IL17RA: variants seen among roughly 807,000 people sequenced by gnomAD.
The protein encoded by IL17RA is interleukin-17 receptor A.
IL17RA carries 34 observed loss-of-function variants against 50.4 expected under a neutral mutation model. The observed-to-expected ratio is 0.67, with a 90% CI of 0.51 to 0.90. The LOEUF (loss-of-function observed/expected upper bound fraction) is 0.90. Among genes scored for constraint, IL17RA ranks in the 40% least tolerant of loss-of-function variants. The pLI, the probability that IL17RA is intolerant of heterozygous loss-of-function variation, is 0.00. For synonymous variants in IL17RA, 585 were observed against 510.4 expected (o/e 1.15, Z -1.97); for missense variants, 1,276 against 1,169.8 (o/e 1.09, Z -1.32).
intron 1 of IL17RA, among the ~76,000 whole-genome samples, chr22:17,091,417 C>G (rs1314120634): frequency 6.6e-6 from 1 of 152,200 alleles, no homozygotes; most frequent in Non-Finnish European, 1.5e-5. Flanking sequence ...TAGCTTACGC[C>G]TATAATCCCA....
chr22:17,109,912 A>G lies in IL17RA; in HGVS notation c.*92A>G. 8.5e-7 allele frequency: 1 copy of G among 1,181,552 alleles called. No homozygotes were observed. Among genetic ancestry groups the G allele is most frequent in the Non-Finnish European group, 1.2e-6 (1 of 838,080 alleles). 73.2% of individuals were successfully genotyped at this position (1,181,552 alleles called of 1,614,324 possible). The stretch of plus-strand genomic sequence containing the variant: ...TGTGTGTACATGTCTGCATGTGTAT[A>G]TGTTCGTGTGTGAAATGTAGGCTTT... On this transcript the variant is annotated 3_prime_UTR_variant, in exon 13 of 13. Coordinates refer to ENST00000319363, the MANE Select transcript of IL17RA (RefSeq NM_014339.7).
chr22:17,108,292 G>A lies in IL17RA; in HGVS notation c.1088-15G>A, dbSNP rs908185507. 5 of 1,613,612 alleles carry A rather than the reference G, an allele frequency of 3.1e-6. No individual in the cohort carries two copies. Among genetic ancestry groups the A allele is most frequent in the Non-Finnish European group, 4.2e-6 (5 of 1,179,890 alleles). On this transcript the variant is annotated splice_polypyrimidine_tract_variant and intron_variant, in intron 12 of 12. Coordinates refer to ENST00000319363, the MANE Select transcript of IL17RA (RefSeq NM_014339.7). ...CCTGGGGTGAGGGTCAGCATGTGTG[G>A]TCTTGTTTCCTTAGATGGCCTGCCT...
At position 17,104,766 on chromosome 22, in the gene IL17RA, G is replaced by A. The variant is rs777335889; in HGVS notation, c.887G>A (p.Arg296Lys). The A allele has an allele frequency of 1.2e-6, 2 of 1,614,120 alleles. No individual in the cohort carries two copies. Among genetic ancestry groups the A allele is most frequent in the East Asian group, 4.5e-5 (2 of 44,884 alleles). The change falls in exon 9 of 13, where the codon AGA becomes AAA. Residue 296 changes from arginine to lysine, a missense_variant. Physicochemically the swap from Arg to Lys is conservative, Grantham distance 26. Transcript: ENST00000319363. ...FFSSCLNDCL[R>K]HSATVSCPEM... ...AGCAGCTGCCTCAATGACTGCCTCA[G>A]ACACTCCGCGACTGTTTCCTGCCCA...
chr22:17,090,755 A>G (rs1234617589), intron 1 of IL17RA, among the ~76,000 whole-genome samples: 1 of 152,236 alleles, frequency 6.6e-6, no homozygotes, highest in African/African-American at 2.4e-5. Flanking sequence ...GTCAGCATTT[A>G]TATAACAATT....
chr22:17,100,508 C>T (rs2061387076), intron 5 of IL17RA, 27 bp downstream of exon 5: 1 of 1,612,704 alleles, frequency 6.2e-7, no homozygotes, highest in African/African-American at 1.3e-5. Flanking sequence ...AAGACATTCC[C>T]TCCCCAATGG....
In IL17RA at chr22:17,103,581, G is replaced by A. The variant is rs1486517273; in HGVS notation, c.846+4G>A. The A allele has an allele frequency of 1.4e-5, 22 of 1,609,096 alleles. No individual in the cohort carries two copies. Among genetic ancestry groups the A allele is most frequent in the Non-Finnish European group, 1.8e-5 (21 of 1,177,732 alleles). On this transcript the variant is annotated splice_donor_region_variant and intron_variant, in intron 8 of 12. Coordinates refer to ENST00000319363, the MANE Select transcript of IL17RA (RefSeq NM_014339.7). The stretch of plus-strand genomic sequence containing the variant: ...GTGCTGTCGCCACCAAGTGCAGGTG[G>A]GTGAGTGTGGTGTGGACAGGTGCAG...
intron 1 of IL17RA, among the ~76,000 whole-genome samples, chr22:17,095,547 CTGTT>C (rs1486356239): frequency 1.3e-5 from 2 of 152,154 alleles, no homozygotes; most frequent in African/African-American, 2.4e-5. Context: ...AATGATGTAT[CTGTT>C]TGCCTTCTCT....
At position 17,115,081 on chromosome 22, in the gene IL17RA, C is replaced by G. The variant is rs372014368; in HGVS notation, c.*5261C>G. The G allele has an allele frequency of 3.9e-5, 6 of 152,250 alleles. No homozygotes were observed. The highest frequency in any genetic ancestry group is 1.4e-4 in the African/African-American group (6 of 41,450). The allele number at this position is 152,250 out of a possible 1,614,324, so 9.4% of individuals were successfully genotyped here. On this transcript the variant is annotated 3_prime_UTR_variant, in exon 13 of 13. Coordinates refer to ENST00000319363, the MANE Select transcript of IL17RA (RefSeq NM_014339.7). ...CACGTGAAGAGATCACTCCGCGTCC[C>G]TACTGCACCTGTCACAAAGTGCCTT...
At chr22:17,103,139 T>C (rs1478461542) in intron 7 of IL17RA, among the ~76,000 whole-genome samples, 5 of 151,890 alleles carry the variant, frequency 3.3e-5, no homozygotes, top group African/African-American at 1.2e-4. Flanking sequence ...TGATACTCCA[T>C]CTCTAAAAAA....
rs1220463354 is a variant in IL17RA at position 17,098,813 on chromosome 22, C to T, written c.349C>T (p.Leu117=). 6.2e-7 allele frequency: 1 copy of T among 1,614,226 alleles called. No homozygotes were observed. Among genetic ancestry groups the T allele is most frequent in the Admixed American group, 1.7e-5 (1 of 60,022 alleles). Residue 117 remains leucine (L), a synonymous_variant, in exon 4 of 13, where the codon CTG becomes TTG. Transcript: ENST00000319363. The stretch of plus-strand genomic sequence containing the variant: ...CCTCGAGGGTGCAGAGTTATCTGTC[C>T]TGCAGCTGAACACCAATGAACGTTT... ...LYLEGAELSV[L]QLNTNERLCV...
At chr22:17,107,789 A>G (rs762346764) in intron 12 of IL17RA, 21 bp downstream of exon 12, 10 of 1,610,998 alleles carry the variant, frequency 6.2e-6, no homozygotes, top group Non-Finnish European at 8.5e-6. Flanking sequence ...CCTGGTTTGC[A>G]TGTTTGCTTA....
rs1309572879 is a variant in IL17RA, at chr22:17,115,365, T to A, written c.*5545T>A. 1 of 152,286 alleles carries A rather than the reference T, an allele frequency of 6.6e-6. No individual in the cohort carries two copies. Among genetic ancestry groups the A allele is most frequent in the Non-Finnish European group, 1.5e-5 (1 of 68,050 alleles). The allele number at this position is 152,286 out of a possible 1,614,324, so 9.4% of individuals were successfully genotyped here. A position where few individuals can be genotyped will look rare whatever the true frequency, so the allele number is the denominator to read the frequency against. On this transcript the variant is annotated 3_prime_UTR_variant, in exon 13 of 13. Transcript: ENST00000319363. ...GTGATTCTCACCACAGCCCTGTGAT[T>A]GCTCCTGTTTTATAAATAATGACAT...
rs1192339481 is a variant in IL17RA, at chr22:17,085,136, G to A, written c.45G>A (p.Leu15=). The change falls in exon 1 of 13, where the codon CTG becomes CTA. Residue 15 remains leucine (L), a synonymous_variant. Transcript: ENST00000319363. ...CGCCGTCCGCTGTCCCGGGGCCCCTGCTGGGGCTGCTCCTGCTGCTCCTGG... is the reference window on the plus strand; with the variant it reads ...CGCCGTCCGCTGTCCCGGGGCCCCTACTGGGGCTGCTCCTGCTGCTCCTGG... ...RSPPSAVPGP[L]LGLLLLLLGV... The A allele has an allele frequency of 6.7e-7, 1 of 1,494,192 alleles. No individual in the cohort carries two copies. Among genetic ancestry groups the A allele is most frequent in the Non-Finnish European group, 8.9e-7 (1 of 1,126,364 alleles). 92.6% of individuals were successfully genotyped at this position (1,494,192 alleles called of 1,614,324 possible).
intron 2 of IL17RA, chr22:17,097,469 A>G (rs932861372): frequency 5.0e-5 from 26 of 519,938 alleles, no homozygotes; most frequent in Admixed American, 2.0e-4. Flanking sequence ...CCAATTAGAG[A>G]CCCCTGACAT....
At chr22:17,101,590 C>T (rs2061391550) in intron 5 of IL17RA, among the ~76,000 whole-genome samples, 1 of 152,228 alleles carries the variant, frequency 6.6e-6, no homozygotes, top group African/African-American at 2.4e-5. Context: ...TGAATCTCCT[C>T]AGTTCTCGCT....
intron 5 of IL17RA, 136 bp downstream of exon 5, chr22:17,100,617 C>A: frequency 8.7e-7 from 1 of 1,143,670 alleles, no homozygotes; most frequent in African/African-American, 1.5e-5. Flanking sequence ...ACAGAACAAA[C>A]AGAGGCCAAG....
intron 2 of IL17RA, 187 bp from the exon 3 acceptor site, chr22:17,097,610 G>A: frequency 1.6e-6 from 1 of 633,464 alleles, no homozygotes; most frequent in Non-Finnish European, 2.8e-6. Context: ...TGAGAGGTTT[G>A]CAGTGACCCC....
rs1252202025 is a variant in IL17RA at position 17,085,091 on chromosome 22, C to T, written c.-1C>T. ...GAGCCCTCCGCGACGCCAGCCGGGC[C>T]ATGGGGGCCGCACGCAGCCCGCCGT... On this transcript the variant is annotated 5_prime_UTR_variant, in exon 1 of 13. Transcript: ENST00000319363. The T allele has an allele frequency of 1.9e-5, 25 of 1,337,826 alleles. No individual in the cohort carries two copies. Among genetic ancestry groups the T allele is most frequent in the Non-Finnish European group, 2.2e-5 (23 of 1,045,776 alleles). 82.9% of individuals were successfully genotyped at this position (1,337,826 alleles called of 1,614,324 possible).
chr22:17,094,691 C>CTCTCTCTATATATATATATA (rs1448096911), intron 1 of IL17RA, among the ~76,000 whole-genome samples: 3 of 24,702 alleles, frequency 1.2e-4, no homozygotes, highest in African/African-American at 2.3e-4. Context: ...CTCTCTCTCT[C>CTCTCTCTATATATATATATA]TATATATATA....
Sources: gnomAD v4.1 joint callset for allele counts (sites outside exome capture counted in the v4.1 genomes callset) on GRCh38, gnomAD v4.1.1 for gene constraint, MANE v1.5 for transcripts, NCBI Gene and HGNC (gene_info 2026-07-23, HGNC 2026-07-21) for gene names.